GRID2: variants seen among roughly 807,000 people sequenced by gnomAD.
GRID2 encodes glutamate receptor ionotropic, delta-2.
Under a neutral mutation model 114.8 loss-of-function variants are expected in GRID2, and 33 were observed. The observed-to-expected ratio is 0.29, with a 90% CI of 0.22 to 0.38. The LOEUF is 0.38. Among genes scored for constraint, GRID2 ranks in the 10% least tolerant of loss-of-function variants. The pLI, the probability that GRID2 is intolerant of heterozygous loss-of-function variation, is 1.00. For missense variants in GRID2, 1,184 were observed against 1,257.7 expected, an observed-to-expected ratio of 0.94 and a Z score of 0.89; for synonymous variants, 505 against 449.9, an observed-to-expected ratio of 1.12 and a Z score of -1.55.
At chr4:93,280,352 T>A (rs965592804) in intron 8 of GRID2, among the ~76,000 whole-genome samples, 1 of 152,028 alleles carries the variant, frequency 6.6e-6, no homozygotes, top group African/African-American at 2.4e-5. Flanking sequence ...TGTACAGGCA[T>A]AAACAATTAT....
At chr4:93,256,429 T>G (rs201151173) in intron 8 of GRID2, among the ~76,000 whole-genome samples, 5 of 149,350 alleles carry the variant, frequency 3.3e-5, no homozygotes, top group Admixed American at 6.7e-5. Context: ...TAATTTTTGG[T>G]TTTTTTTTTT....
intron 2 of GRID2, among the ~76,000 whole-genome samples, chr4:92,821,007 A>G (rs1741248228): frequency 6.6e-6 from 1 of 152,112 alleles, no homozygotes; most frequent in African/African-American, 2.4e-5. Flanking sequence ...AACAACTTAT[A>G]CATGGAAGTA....
intron 1 of GRID2, among the ~76,000 whole-genome samples, chr4:92,425,254 G>T (rs1341003719): frequency 6.6e-6 from 1 of 151,938 alleles, no homozygotes; most frequent in Non-Finnish European, 1.5e-5. Flanking sequence ...AGGGTGGCTC[G>T]TTTAGATATG....
At chr4:93,025,892 G>T (rs1723841151) in intron 2 of GRID2, among the ~76,000 whole-genome samples, 1 of 151,612 alleles carries the variant, frequency 6.6e-6, no homozygotes, top group Non-Finnish European at 1.5e-5. Flanking sequence ...GAATAAAAGA[G>T]ATGATTTTGA....
chr4:93,521,643 AAAG>A (rs1401834671), intron 13 of GRID2, among the ~76,000 whole-genome samples: 1 of 152,090 alleles, frequency 6.6e-6, no homozygotes, highest in Non-Finnish European at 1.5e-5. Flanking sequence ...AGAGAAAAGA[AAAG>A]AAGTAAAAGA....
chr4:93,136,230 T>G (rs1260272116), intron 4 of GRID2, among the ~76,000 whole-genome samples: 2 of 126,596 alleles, frequency 1.6e-5, no homozygotes, highest in African/African-American at 6.4e-5. Flanking sequence ...TTCCAACAGT[T>G]ATTGTGTGTG....
chr4:92,369,136 T>C (rs903900042), intron 1 of GRID2, among the ~76,000 whole-genome samples: 2 of 152,028 alleles, frequency 1.3e-5, no homozygotes, highest in African/African-American at 4.8e-5. Flanking sequence ...TTCACAAAAA[T>C]ATAGCTAATG....
intron 2 of GRID2, among the ~76,000 whole-genome samples, chr4:92,835,990 A>G (rs999459257): frequency 6.6e-6 from 1 of 152,166 alleles, no homozygotes; most frequent in Non-Finnish European, 1.5e-5. Flanking sequence ...TTCTTAAAAA[A>G]TATTGAGAAC....
At chr4:93,677,589 G>A (rs1322628256) in intron 14 of GRID2, among the ~76,000 whole-genome samples, 21 of 152,104 alleles carry the variant, frequency 1.4e-4, no homozygotes, top group Non-Finnish European at 2.4e-4. Flanking sequence ...AAAACTTCCA[G>A]AGGAACCATC....
chr4:92,308,397 A>G (rs966803636), intron 1 of GRID2, among the ~76,000 whole-genome samples: 6 of 152,134 alleles, frequency 3.9e-5, no homozygotes, highest in African/African-American at 1.2e-4. Flanking sequence ...TCACTAGCAT[A>G]TTTTTGTTGT....
At chr4:92,827,456 CTTTA>C (rs1224115461) in intron 2 of GRID2, among the ~76,000 whole-genome samples, 1 of 150,222 alleles carries the variant, frequency 6.7e-6, no homozygotes, top group South Asian at 2.1e-4. Context: ...TCCCTTCTGT[CTTTA>C]TTTGTTAAAA....
chr4:92,518,190 G>A (rs1264204637), intron 1 of GRID2, among the ~76,000 whole-genome samples: 1 of 149,766 alleles, frequency 6.7e-6, no homozygotes, highest in Non-Finnish European at 1.5e-5. Flanking sequence ...TTTTTTCAGA[G>A]CAGATTTAGG....
At chr4:92,653,337 G>A (rs1732066480) in intron 2 of GRID2, among the ~76,000 whole-genome samples, 1 of 150,282 alleles carries the variant, frequency 6.7e-6, no homozygotes, top group South Asian at 2.1e-4. Flanking sequence ...CTGTGTGTGT[G>A]TGTGTGTGTG....
chr4:92,400,061 A>G (rs1579299165), intron 1 of GRID2, among the ~76,000 whole-genome samples: 1 of 152,196 alleles, frequency 6.6e-6, no homozygotes, highest in Admixed American at 6.6e-5. Context: ...TATTGCAGCT[A>G]TAACCTGTCT....
intron 10 of GRID2, among the ~76,000 whole-genome samples, chr4:93,442,041 T>C (rs778692505): frequency 3.3e-5 from 5 of 152,008 alleles, no homozygotes; most frequent in Non-Finnish European, 7.4e-5. Context: ...TTGATTTACT[T>C]CTCATAGAGA....
chr4:92,708,030 A>G (rs79537071), intron 2 of GRID2, among the ~76,000 whole-genome samples: 3,358 of 152,242 alleles, frequency 0.022, 150 homozygotes, highest in African/African-American at 0.075. Context: ...GGTTTTGGCA[A>G]TGGTGAGAGA....
intron 1 of GRID2, among the ~76,000 whole-genome samples, chr4:92,454,307 C>T (rs925251815): frequency 3.9e-5 from 6 of 152,034 alleles, no homozygotes; most frequent in Admixed American, 6.6e-5. Context: ...GAGAAAAGTA[C>T]TTAACTATAT....
intron 10 of GRID2, 134 bp from the exon 11 acceptor site, chr4:93,455,528 A>G: frequency 4.8e-6 from 3 of 623,386 alleles, no homozygotes; most frequent in Non-Finnish European, 8.6e-6. Flanking sequence ...AAGTCTATGC[A>G]GTGTTTCAGT....
chr4:93,733,752 T>G (rs1012054769), intron 14 of GRID2, among the ~76,000 whole-genome samples: 2 of 152,080 alleles, frequency 1.3e-5, no homozygotes, highest in Admixed American at 1.3e-4. Context: ...GATTTCCAAA[T>G]CTGCAGGATC....
Sources: gnomAD v4.1 joint callset for allele counts (sites outside exome capture counted in the v4.1 genomes callset) on GRCh38, gnomAD v4.1.1 for gene constraint, MANE v1.5 for transcripts, NCBI Gene and HGNC (gene_info 2026-07-23, HGNC 2026-07-21) for gene names.